Variants in ZBTB37 observed in about 807,000 individuals in gnomAD.
ZBTB37 encodes zinc finger and BTB domain-containing protein 37.
ZBTB37 carries 15 observed loss-of-function variants against 37.7 expected under a neutral mutation model. The observed-to-expected ratio is 0.40, with a 90% CI of 0.27 to 0.61. The LOEUF (loss-of-function observed/expected upper bound fraction) is 0.61. ZBTB37 is among the 20% of genes least tolerant of loss of function. The pLI is 0.44. For synonymous variants in ZBTB37, 231 were observed against 220.6 expected, an observed-to-expected ratio of 1.05 and a Z score of -0.42; for missense variants, 514 against 641.9, an observed-to-expected ratio of 0.80 and a Z score of 2.15.
At chr1:173,875,475 G>A (rs575783541) in intron 4 of ZBTB37, among the ~76,000 whole-genome samples, 16 of 150,858 alleles carry the variant, frequency 1.1e-4, no homozygotes, top group East Asian at 7.8e-4. Flanking sequence ...ACAGGCGCCC[G>A]CCAGCACACC....
chr1:173,891,503 C>G (rs538487074), downstream of ZBTB37: 1 of 152,222 alleles, frequency 6.6e-6, no homozygotes, highest in South Asian at 2.1e-4. Context: ...CTGTTATTGT[C>G]TATAATTCTT....
At chr1:173,886,291 A>C (rs894481876) in exon 5 of ZBTB37, 4 of 1,079,642 alleles carry the variant, frequency 3.7e-6, no homozygotes. Flanking sequence ...AAAAGCACTA[A>C]AGGCTCCTCC....
chr1:173,896,231 T>G (rs1292977061), exon 4 of ZBTB37: 1 of 152,146 alleles, frequency 6.6e-6, no homozygotes, highest in Non-Finnish European at 1.5e-5. Context: ...GGCAAATTAT[T>G]TTTTTTTCCA....
exon 3 of ZBTB37, chr1:173,870,936 T>C (rs760749306): frequency 1.9e-6 from 3 of 1,614,156 alleles, no homozygotes; most frequent in Non-Finnish European, 2.5e-6. Flanking sequence ...ATGATGAAGT[T>C]AGAGTTCTTG....
exon 4 of ZBTB37, chr1:173,892,285 A>G (rs1454631316): frequency 1.3e-5 from 2 of 152,204 alleles, no homozygotes; most frequent in South Asian, 2.1e-4. Context: ...ATATGCATCT[A>G]TTGAAAGCAA....
chr1:173,896,692 T>G (rs1421945205), exon 4 of ZBTB37: 1 of 152,230 alleles, frequency 6.6e-6, no homozygotes, highest in Non-Finnish European at 1.5e-5. Context: ...TAGAAATTCC[T>G]TAAGGTTTAG....
exon 4 of ZBTB37, chr1:173,893,200 G>A (rs537927812): frequency 6.6e-6 from 1 of 152,266 alleles, no homozygotes; most frequent in East Asian, 1.9e-4. Flanking sequence ...ACTGCACCCA[G>A]CCCCATTTAA....
chr1:173,900,525 T>A (rs1456048961), exon 4 of ZBTB37: 1 of 152,202 alleles, frequency 6.6e-6, no homozygotes, highest in Non-Finnish European at 1.5e-5. Context: ...AAATTTGTAT[T>A]TAAGAGCAAG....
At chr1:173,875,542 G>A (rs1007117052) in intron 4 of ZBTB37, among the ~76,000 whole-genome samples, 1 of 151,836 alleles carries the variant, frequency 6.6e-6, no homozygotes, top group Non-Finnish European at 1.5e-5. Flanking sequence ...GGCCAGGCTG[G>A]TCTTGAACTC....
chr1:173,871,780 T>C (rs912007608), intron 3 of ZBTB37, among the ~76,000 whole-genome samples: 3 of 152,206 alleles, frequency 2.0e-5, no homozygotes, highest in African/African-American at 7.2e-5. Flanking sequence ...TCACCAGTGC[T>C]GCTATGCCCC....
exon 4 of ZBTB37, chr1:173,896,626 T>C (rs1430642269): frequency 3.9e-5 from 6 of 152,260 alleles, no homozygotes. Context: ...ATTTATTCTT[T>C]ATTTTCAGCA....
At chr1:173,868,969 G>A (rs1655283694) in exon 2 of ZBTB37, 1 of 152,676 alleles carries the variant, frequency 6.5e-6, no homozygotes, top group Admixed American at 6.5e-5. Context: ...CTTTCCTCCA[G>A]GGGCTTCCTC....
chr1:173,903,066 CAA>C (rs909715021), exon 4 of ZBTB37: 11 of 152,164 alleles, frequency 7.2e-5, no homozygotes, highest in South Asian at 2.1e-4. Context: ...AGTGAAAACA[CAA>C]AGACTCTAAG....
intron 4 of ZBTB37, among the ~76,000 whole-genome samples, chr1:173,881,184 T>A (rs1471681707): frequency 1.4e-5 from 2 of 147,274 alleles, no homozygotes; most frequent in Admixed American, 1.4e-4. Flanking sequence ...AATTCCCACC[T>A]ATGAGTGAGA....
At position 173,881,962 on chromosome 1, in the gene ZBTB37, G is replaced by A. The variant is rs570498505; in HGVS notation, c.1024-3674G>A. On this transcript the variant is annotated intron_variant, in intron 4 of 4. Coordinates refer to ENST00000427304, the Ensembl canonical transcript of ZBTB37. Reference sequence around the variant, plus strand: ...CCAGCTACTCAGGAGGCTAAGGCAGGAGAATGGCGTGAACCCGGGAGGCAG... The same window carrying A: ...CCAGCTACTCAGGAGGCTAAGGCAGAAGAATGGCGTGAACCCGGGAGGCAG... Among the ~76,000 whole-genome samples, 6 of 151,850 alleles carry A rather than the reference G, an allele frequency of 4.0e-5. No homozygotes were observed. In the South Asian group the frequency reaches 1.3e-3, roughly 32 times the overall value.
At chr1:173,883,622 G>A (rs1656457948) in intron 4 of ZBTB37, among the ~76,000 whole-genome samples, 1 of 152,212 alleles carries the variant, frequency 6.6e-6, no homozygotes, top group South Asian at 2.1e-4. Context: ...AAGACCTTTA[G>A]TGGGATGATT....
chr1:173,880,107 A>C (rs1266595732), intron 4 of ZBTB37, among the ~76,000 whole-genome samples: 1 of 152,196 alleles, frequency 6.6e-6, no homozygotes, highest in Non-Finnish European at 1.5e-5. Context: ...GATCAGGCAC[A>C]CACTACCCAA....
At chr1:173,884,751 C>T (rs2102748660) in intron 4 of ZBTB37, among the ~76,000 whole-genome samples, 1 of 152,310 alleles carries the variant, frequency 6.6e-6, no homozygotes, top group African/African-American at 2.4e-5. Flanking sequence ...ATATTCTATA[C>T]TATCTGATAT....
intron 4 of ZBTB37, among the ~76,000 whole-genome samples, chr1:173,878,131 G>A (rs1414574498): frequency 6.6e-6 from 1 of 152,126 alleles, no homozygotes; most frequent in Non-Finnish European, 1.5e-5. Context: ...CTTTTCAGGT[G>A]TCTGGGTTCA....
Sources: gnomAD v4.1 joint callset for allele counts (sites outside exome capture counted in the v4.1 genomes callset) on GRCh38, gnomAD v4.1.1 for gene constraint, MANE v1.5 for transcripts, NCBI Gene and HGNC (gene_info 2026-07-23, HGNC 2026-07-21) for gene names.